Variants in PIP5K1B observed in about 807,000 individuals in gnomAD.
The protein encoded by PIP5K1B is phosphatidylinositol-4-phosphate 5-kinase type 1 beta, also known as phosphatidylinositol 4-phosphate 5-kinase type-1 beta.
A neutral mutation model predicts 67.0 loss-of-function variants in PIP5K1B; 42 were observed. The ratio of observed to expected loss-of-function variants is 0.63; its 90% CI spans 0.49 to 0.81. The LOEUF is 0.81. Among genes scored for constraint, PIP5K1B ranks in the 30% least tolerant of loss-of-function variants. The pLI is 0.00. For missense variants in PIP5K1B, 459 were observed against 646.3 expected (o/e 0.71, Z 3.14); for synonymous variants, 214 against 231.4 (o/e 0.92, Z 0.68).
rs1831207468 is a variant in PIP5K1B at position 69,008,934 on chromosome 9, T to C, written c.*485T>C. 6.2e-6 allele frequency: 1 copy of C among 160,032 alleles called. No homozygotes were observed. The highest frequency in any genetic ancestry group is 5.9e-5 in the Admixed American group (1 of 16,936). 9.9% of individuals were successfully genotyped at this position (160,032 alleles called of 1,614,324 possible). Reference sequence around the variant, plus strand: ...AGTTTAAATTGGTTTCATTTAAAGATCAATATACTAGGTCTGCCTTCACTT... The same window carrying C: ...AGTTTAAATTGGTTTCATTTAAAGACCAATATACTAGGTCTGCCTTCACTT... On this transcript the variant is annotated 3_prime_UTR_variant, in exon 16 of 16. Coordinates refer to ENST00000265382, the MANE Select transcript of PIP5K1B (RefSeq NM_003558.4).
At chr9:68,975,073 T>C (rs370957374) in intron 14 of PIP5K1B, among the ~76,000 whole-genome samples, 51 of 152,328 alleles carry the variant, frequency 3.3e-4, no homozygotes, top group African/African-American at 1.0e-3. Flanking sequence ...TTTTGTTTGT[T>C]AGGTTGGCTG....
At chr9:68,880,059 T>C (rs549685874) in intron 6 of PIP5K1B, among the ~76,000 whole-genome samples, 3 of 151,724 alleles carry the variant, frequency 2.0e-5, no homozygotes, top group Middle Eastern at 3.4e-3. Context: ...AACTGTTAAA[T>C]TGAATGCCCC....
intron 15 of PIP5K1B, among the ~76,000 whole-genome samples, chr9:68,992,526 C>T (rs772776305): frequency 3.3e-5 from 5 of 152,068 alleles, no homozygotes; most frequent in Non-Finnish European, 4.4e-5. Context: ...AGATGCTACT[C>T]CTAGCAATAC....
chr9:68,754,175 C>CTTTTTTTTTTTTTTTTTTTT lies in PIP5K1B; in HGVS notation c.-86+11530_-86+11531insTTTTTTTTTTTTTTTTTTTT, dbSNP rs71353081. On this transcript the variant is annotated intron_variant, in intron 2 of 15. Transcript: ENST00000265382. ...AGTCTTCTTTTATGTTCCATGATTTCTTTTTTTTTTTTGAGACAGAGTCTC... is the reference window on the plus strand; with the variant it reads ...AGTCTTCTTTTATGTTCCATGATTTCTTTTTTTTTTTTTTTTTTTTTTTTTTTTTTTTGAGACAGAGTCTC... Among the ~76,000 whole-genome samples, 235 of 100,986 alleles carry CTTTTTTTTTTTTTTTTTTTT rather than the reference C, an allele frequency of 2.3e-3. 43 individuals carry two copies. Among genetic ancestry groups the CTTTTTTTTTTTTTTTTTTTT allele is most frequent in the Middle Eastern group, 0.014 (2 of 148 alleles). 66.3% of individuals were successfully genotyped at this position (100,986 alleles called of 152,430 possible). A position where few individuals can be genotyped will look rare whatever the true frequency, so the allele number is the denominator to read the frequency against.
intron 2 of PIP5K1B, among the ~76,000 whole-genome samples, chr9:68,805,510 A>T (rs918821353): frequency 2.0e-5 from 3 of 152,140 alleles, no homozygotes; most frequent in Non-Finnish European, 2.9e-5. Context: ...CTGCCCTGTG[A>T]GAGAGGTACT....
intron 4 of PIP5K1B, among the ~76,000 whole-genome samples, chr9:68,855,526 G>A (rs1042210978): frequency 6.6e-6 from 1 of 152,174 alleles, no homozygotes; most frequent in Admixed American, 6.5e-5. Context: ...ACCATCTTCA[G>A]TTTCCTCAGC....
chr9:68,906,455 G>A (rs773357345), intron 8 of PIP5K1B, among the ~76,000 whole-genome samples: 2 of 152,136 alleles, frequency 1.3e-5, no homozygotes, highest in Non-Finnish European at 1.5e-5. Context: ...AATGGCCAAG[G>A]ACAATCTGTT....
At chr9:68,943,021 G>A (rs1002328239) in intron 14 of PIP5K1B, among the ~76,000 whole-genome samples, 1 of 152,194 alleles carries the variant, frequency 6.6e-6, no homozygotes, top group Middle Eastern at 3.2e-3. Context: ...CCACAGTCAA[G>A]TTGGTGCCTG....
At chr9:68,744,107 G>A (rs1320127338) in intron 2 of PIP5K1B, among the ~76,000 whole-genome samples, 1 of 152,188 alleles carries the variant, frequency 6.6e-6, no homozygotes, top group Non-Finnish European at 1.5e-5. Flanking sequence ...CAGGAGGTCC[G>A]TAGCCTCAGT....
At chr9:68,911,909 G>T (rs1453199807) in intron 8 of PIP5K1B, among the ~76,000 whole-genome samples, 6 of 152,166 alleles carry the variant, frequency 3.9e-5, no homozygotes, top group Non-Finnish European at 7.4e-5. Flanking sequence ...ATTTAAAAAA[G>T]AAGTTTAGAG....
chr9:68,910,357 T>C (rs1825794479), intron 8 of PIP5K1B, among the ~76,000 whole-genome samples: 1 of 152,226 alleles, frequency 6.6e-6, no homozygotes, highest in Non-Finnish European at 1.5e-5. Context: ...TTTATTTTTC[T>C]GACAACACAG....
intron 2 of PIP5K1B, among the ~76,000 whole-genome samples, chr9:68,775,946 C>A (rs1040126106): frequency 2.0e-5 from 3 of 152,146 alleles, no homozygotes; most frequent in Non-Finnish European, 4.4e-5. Flanking sequence ...AAGAAACATT[C>A]TTGTGCATGT....
intron 1 of PIP5K1B, among the ~76,000 whole-genome samples, chr9:68,727,000 AC>A (rs1828184147): frequency 6.6e-6 from 1 of 151,896 alleles, no homozygotes; most frequent in African/African-American, 2.4e-5. Context: ...TTTTTAGCAC[AC>A]ATATTTTTTA....
rs556101741 is a variant in PIP5K1B at position 68,841,516 on chromosome 9, G to A, written c.69+18833G>A. Among the ~76,000 whole-genome samples the A allele has an allele frequency of 1.3e-5, 2 of 152,286 alleles. 1 individual carries two copies. Among genetic ancestry groups the A allele is most frequent in the South Asian group, 4.1e-4 (2 of 4,820 alleles). On this transcript the variant is annotated intron_variant, in intron 4 of 15. Coordinates refer to ENST00000265382, the MANE Select transcript of PIP5K1B (RefSeq NM_003558.4). ...GGTTACAGTTGAGAGCTATAAATAG[G>A]CCAGTGACTTCATGTGTACCATGGG...
intron 5 of PIP5K1B, among the ~76,000 whole-genome samples, chr9:68,870,981 G>A (rs538550239): frequency 6.6e-6 from 1 of 152,326 alleles, no homozygotes; most frequent in Admixed American, 6.5e-5. Flanking sequence ...GTCCCCTTGT[G>A]TTGTCTTTGA....
intron 14 of PIP5K1B, among the ~76,000 whole-genome samples, chr9:68,948,546 A>G (rs1282164326): frequency 6.6e-6 from 1 of 152,074 alleles, no homozygotes; most frequent in African/African-American, 2.4e-5. Context: ...TTGGGAGGCT[A>G]AGATGGGAGG....
intron 14 of PIP5K1B, among the ~76,000 whole-genome samples, chr9:68,945,066 C>CTT (rs575360583): frequency 0.035 from 4,926 of 139,920 alleles, 105 homozygotes; most frequent in Non-Finnish European, 0.055. Context: ...TGTTTGAGAC[C>CTT]TTTTTTTTTT....
At position 68,800,563 on chromosome 9, in the gene PIP5K1B, A is replaced by T. The variant is rs74662323; in HGVS notation, c.-85-17898A>T. On this transcript the variant is annotated intron_variant, in intron 2 of 15. Coordinates refer to ENST00000265382, the MANE Select transcript of PIP5K1B (RefSeq NM_003558.4). ...CATGGATAGCATCTATGTCAAGAGGATGTCGGGCCTTTATGTGTGATTCTA... is the reference window on the plus strand; with the variant it reads ...CATGGATAGCATCTATGTCAAGAGGTTGTCGGGCCTTTATGTGTGATTCTA... Among the ~76,000 whole-genome samples, 81 of 152,158 alleles carry T rather than the reference A, an allele frequency of 5.3e-4. 2 individuals are homozygous for T. The East Asian group carries it at 0.015, about 28-fold the overall frequency.
intron 2 of PIP5K1B, among the ~76,000 whole-genome samples, chr9:68,800,168 G>T (rs1362303618): frequency 6.6e-6 from 1 of 152,190 alleles, no homozygotes; most frequent in Non-Finnish European, 1.5e-5. Flanking sequence ...GATGGTGAAG[G>T]GGCTGGTGGA....
Sources: gnomAD v4.1 joint callset for allele counts (sites outside exome capture counted in the v4.1 genomes callset) on GRCh38, gnomAD v4.1.1 for gene constraint, MANE v1.5 for transcripts, NCBI Gene and HGNC (gene_info 2026-07-23, HGNC 2026-07-21) for gene names.